MYCBP2: variants seen among roughly 807,000 people sequenced by gnomAD.
MYCBP2 encodes the protein MYC binding protein 2, also known as E3 ubiquitin-protein ligase MYCBP2.
Under a neutral mutation model 525.3 loss-of-function variants are expected in MYCBP2, and 120 were observed. The ratio of observed to expected loss-of-function variants is 0.23; its 90% CI spans 0.20 to 0.27. The LOEUF is 0.27. Ranked by LOEUF, MYCBP2 falls within the 10% of genes least tolerant of loss-of-function variation. The probability of loss-of-function intolerance (pLI) is 1.00; values close to 1 mark genes in which losing one functional copy is unlikely to be tolerated. For missense variants in MYCBP2, 4,149 were observed against 5,657.1 expected (o/e 0.73, Z 8.55); for synonymous variants, 1,894 against 1,955.8 (o/e 0.97, Z 0.83).
intron 3 of MYCBP2, among the ~76,000 whole-genome samples, chr13:77,280,607 C>T (rs1328443085): frequency 6.6e-6 from 1 of 152,130 alleles, no homozygotes; most frequent in Non-Finnish European, 1.5e-5. Context: ...ATTATAGATA[C>T]AGTTTCCTAC....
At chr13:77,159,494 T>G (rs370463847) in intron 44 of MYCBP2, among the ~76,000 whole-genome samples, 278 of 152,286 alleles carry the variant, frequency 1.8e-3, no homozygotes, top group African/African-American at 6.5e-3. Flanking sequence ...TGAACTCTGA[T>G]ATGGTTTGGC....
Position 77,058,080 on chromosome 13 carries a change from T to C in MYCBP2, c.13329+138A>G. ...TGGTCTCGATCTCCTGACCTCGTGA[T>C]CCACCTGCCTCGGCCTCCCAAAGTG... On this transcript the variant is annotated intron_variant, in intron 78 of 82. Transcript: ENST00000544440. This position sits in a 1 kb window ranked among gnomAD's most constrained non-coding sequence, Gnocchi z 4.1. 1 of 841,718 alleles carries C rather than the reference T, an allele frequency of 1.2e-6. No individual in the cohort carries two copies. The highest frequency in any genetic ancestry group is 1.8e-6 in the Non-Finnish European group (1 of 546,040). 52.1% of individuals were successfully genotyped at this position (841,718 alleles called of 1,614,324 possible).
chr13:77,135,726 T>C (rs1000679647), intron 52 of MYCBP2, among the ~76,000 whole-genome samples: 6 of 152,252 alleles, frequency 3.9e-5, no homozygotes, highest in African/African-American at 1.4e-4. Context: ...TTCATTTTTA[T>C]ACCAAACTGC....
chr13:77,231,145 A>G (rs1166176511), intron 18 of MYCBP2, among the ~76,000 whole-genome samples: 3 of 152,220 alleles, frequency 2.0e-5, no homozygotes, highest in Non-Finnish European at 4.4e-5. Context: ...CTCACTCTAT[A>G]AAACCCTAAA....
At chr13:77,055,172 A>G (rs1315901636) in intron 80 of MYCBP2, among the ~76,000 whole-genome samples, 2 of 152,132 alleles carry the variant, frequency 1.3e-5, no homozygotes, top group African/African-American at 4.8e-5. Flanking sequence ...ATAAATGACT[A>G]GAAAGGAAGG....
intron 3 of MYCBP2, among the ~76,000 whole-genome samples, chr13:77,281,716 G>C (rs2076205314): frequency 2.0e-5 from 3 of 152,038 alleles, no homozygotes; most frequent in South Asian, 4.1e-4. Flanking sequence ...GATATATAAA[G>C]AGTCTTTCAA....
Position 77,068,787 on chromosome 13 carries a change from T to G in MYCBP2, c.11949A>C (p.Arg3983Ser). ...TAGCATGTTCCCATTCTTCACGGAC[T>G]CTGGTAGCTTCCATGCGAATAGCTT... ...IVQAIRMEAT[R>S]VREEWEHAIS... The change falls in exon 70 of 83, where the codon AGA (arginine) becomes AGC (serine). Residue 3983 changes from arginine to serine, a missense_variant. Around this residue, in one of 21 missense-constraint regions of MYCBP2, gnomAD observed 64 missense variants for 131.2 expected, o/e 0.49. Coordinates refer to ENST00000544440, the MANE Select transcript of MYCBP2 (RefSeq NM_015057.5). 3 of 1,614,216 alleles carry G rather than the reference T, an allele frequency of 1.9e-6. No individual in the cohort carries two copies. The highest frequency in any genetic ancestry group is 2.5e-6 in the Non-Finnish European group (3 of 1,180,036).
intron 40 of MYCBP2, among the ~76,000 whole-genome samples, chr13:77,167,839 A>T (rs2058708545): frequency 6.6e-6 from 1 of 152,226 alleles, no homozygotes; most frequent in South Asian, 2.1e-4. Context: ...TAGCTTGTTT[A>T]CTTCTATATG....
At chr13:77,062,508 G>GT (rs1359324885) in intron 74 of MYCBP2, 88 bp downstream of exon 74, 4 of 1,152,502 alleles carry the variant, frequency 3.5e-6, no homozygotes, top group East Asian at 4.8e-5. Context: ...ATGTTGATGT[G>GT]TTTTTTGTTT....
intron 43 of MYCBP2, among the ~76,000 whole-genome samples, chr13:77,162,669 TC>T (rs773784647): frequency 3.7e-4 from 57 of 152,278 alleles, no homozygotes; most frequent in Middle Eastern, 3.4e-3. Flanking sequence ...TCTTTTTTTT[TC>T]TTTTGAGATG....
chr13:77,250,342 A>G (rs1262910394), intron 15 of MYCBP2, among the ~76,000 whole-genome samples: 1 of 152,234 alleles, frequency 6.6e-6, no homozygotes, highest in African/African-American at 2.4e-5. Flanking sequence ...GATCCAGACA[A>G]TATTTGGGAA....
chr13:77,089,840 T>C (rs764611869), intron 60 of MYCBP2, among the ~76,000 whole-genome samples: 41 of 152,024 alleles, frequency 2.7e-4, no homozygotes, highest in Non-Finnish European at 5.3e-4. Context: ...ACATTTGGCT[T>C]AGATACCTAA....
Position 77,098,926 on chromosome 13 carries a change from T to A in MYCBP2, c.8228A>T (p.Lys2743Ile), listed in dbSNP as rs780576215. The A allele has an allele frequency of 6.2e-7, 1 of 1,613,600 alleles. No homozygotes were observed. Among genetic ancestry groups the A allele is most frequent in the Non-Finnish European group, 8.5e-7 (1 of 1,179,750 alleles). Reference protein sequence around the residue: ...ELSSKHSRSLKPDGRMSRTTA... With the variant: ...ELSSKHSRSLIPDGRMSRTTA... ...AGTCCGGCTCATACGTCCATCAGGTTTAAGCGATCTGCTGTGTTTAGAGGA... is the reference window on the plus strand; with the variant it reads ...AGTCCGGCTCATACGTCCATCAGGTATAAGCGATCTGCTGTGTTTAGAGGA... The change falls in exon 56 of 83, where the codon AAA (lysine) becomes ATA (isoleucine). Residue 2743 changes from lysine (K) to isoleucine (I), a missense_variant. Coordinates refer to ENST00000544440, the MANE Select transcript of MYCBP2 (RefSeq NM_015057.5).
chr13:77,095,206 T>C, intron 58 of MYCBP2, 152 bp downstream of exon 58: 1 of 884,294 alleles, frequency 1.1e-6, no homozygotes, highest in Non-Finnish European at 1.7e-6. Context: ...ATTATGTCAG[T>C]CAAGGCAACT....
At chr13:77,056,495 C>T (rs189798003) in intron 79 of MYCBP2, among the ~76,000 whole-genome samples, 4 of 152,270 alleles carry the variant, frequency 2.6e-5, no homozygotes, top group African/African-American at 9.6e-5. Flanking sequence ...AAAACAACTT[C>T]CTACTTGCTG....
chr13:77,050,565 T>C (rs911031334), intron 82 of MYCBP2, among the ~76,000 whole-genome samples: 4 of 152,108 alleles, frequency 2.6e-5, no homozygotes, highest in Non-Finnish European at 5.9e-5. Context: ...TTCCCTTGAC[T>C]TTCTGATGCT....
intron 1 of MYCBP2, among the ~76,000 whole-genome samples, chr13:77,307,083 A>T (rs118007583): frequency 2.0e-5 from 3 of 152,184 alleles, no homozygotes; most frequent in Non-Finnish European, 4.4e-5. Context: ...TCTAGAAAAC[A>T]GATCAGAAAA....
In MYCBP2 at chr13:77,115,752, C is replaced by T. The variant is rs771925389; in HGVS notation, c.8140+5621G>A. Among the ~76,000 whole-genome samples the T allele has an allele frequency of 4.7e-4, 71 of 151,002 alleles. 2 individuals carry two copies. Among genetic ancestry groups the T allele is most frequent in the Non-Finnish European group, 1.3e-4 (9 of 67,622 alleles). On this transcript the variant is annotated intron_variant, in intron 55 of 82. Transcript: ENST00000544440. ...ATGCTAGATGAAGTTAAACCATGCA[C>T]CGGTTGATGTGTGTCTTTGTAGAAT... is the stretch of plus-strand genomic sequence containing the variant.
chr13:77,045,298 T>C lies in MYCBP2; in HGVS notation c.*80A>G, dbSNP rs2035331422. 4.3e-6 allele frequency: 4 copies of C among 925,684 alleles called. No homozygotes were observed. The highest frequency in any genetic ancestry group is 5.2e-6 in the Non-Finnish European group (3 of 576,808). The allele number at this position is 925,684 out of a possible 1,614,324, so 57.3% of individuals were successfully genotyped here. A position where few individuals can be genotyped will look rare whatever the true frequency, so the allele number is the denominator to read the frequency against. On this transcript the variant is annotated 3_prime_UTR_variant, in exon 83 of 83. Transcript: ENST00000544440. ...TGTAAAAATGGTCCCGTCCTTATCC[T>C]GAGCAGAGTTTAAACTTCACCGCAT...
Sources: allele counts gnomAD v4.1 joint callset (sites outside exome capture counted in the v4.1 genomes callset), GRCh38; gene constraint gnomAD v4.1.1; regional missense constraint gnomAD v4.1.1; non-coding constraint Gnocchi (gnomAD v3.1); transcripts MANE v1.5; gene names NCBI Gene and HGNC (gene_info 2026-07-23, HGNC 2026-07-21).